Variants in TRAPPC9 observed in about 807,000 individuals in gnomAD.
TRAPPC9 encodes the protein IKK2 binding protein.
Under a neutral mutation model 124.0 loss-of-function variants are expected in TRAPPC9, and 83 were observed. The observed-to-expected ratio is 0.67, with a 90% confidence interval of 0.56 to 0.80. The LOEUF (loss-of-function observed/expected upper bound fraction) is 0.80. TRAPPC9 is among the 30% of genes least tolerant of loss of function. The probability of loss-of-function intolerance (pLI) is 0.00; values close to 1 mark genes in which losing one functional copy is unlikely to be tolerated. For synonymous variants in TRAPPC9, 638 were observed against 617.5 expected, an observed-to-expected ratio of 1.03 and a Z score of -0.49; for missense variants, 1,302 against 1,508.3, an observed-to-expected ratio of 0.86 and a Z score of 2.27.
At chr8:140,040,865 A>G (rs1482465192) in intron 17 of TRAPPC9, 1 of 152,274 alleles carries the variant, frequency 6.6e-6, no homozygotes. Context: ...ATGTCCATGA[A>G]AAGGGGGAAA....
At chr8:139,870,321 TGGGAGA>T in intron 21 of TRAPPC9, among the ~76,000 whole-genome samples, 1 of 152,124 alleles carries the variant, frequency 6.6e-6, no homozygotes, top group Non-Finnish European at 1.5e-5. Context: ...GGAGAAAACA[TGGGAGA>T]ATGTTTTAAA....
chr8:139,789,683 T>C (rs1822519968), intron 21 of TRAPPC9, among the ~76,000 whole-genome samples: 1 of 152,064 alleles, frequency 6.6e-6, no homozygotes, highest in African/African-American at 2.4e-5. Flanking sequence ...TGCTCCCGAG[T>C]GCCCTGTGCT....
intron 21 of TRAPPC9, among the ~76,000 whole-genome samples, chr8:139,738,414 G>A (rs571775440): frequency 3.9e-5 from 6 of 152,334 alleles, no homozygotes; most frequent in African/African-American, 1.4e-4. Flanking sequence ...CTTAGCAGAT[G>A]TGATGAAACG....
intron 21 of TRAPPC9, among the ~76,000 whole-genome samples, chr8:139,794,406 T>C (rs916217457): frequency 4.6e-5 from 7 of 152,144 alleles, no homozygotes; most frequent in African/African-American, 1.7e-4. Flanking sequence ...TCGCTGTCCA[T>C]AGACAGGTGT....
chr8:140,049,693 C>A (rs956629683), intron 17 of TRAPPC9, among the ~76,000 whole-genome samples: 1 of 152,158 alleles, frequency 6.6e-6, no homozygotes, highest in African/African-American at 2.4e-5. Flanking sequence ...AAACACCAAA[C>A]CCTGGGATTT....
chr8:140,237,561 C>A (rs2063755914), intron 16 of TRAPPC9, among the ~76,000 whole-genome samples: 1 of 151,910 alleles, frequency 6.6e-6, no homozygotes, highest in Non-Finnish European at 1.5e-5. Flanking sequence ...CAGGTGATTC[C>A]AGAGTGCAGA....
intron 19 of TRAPPC9, among the ~76,000 whole-genome samples, chr8:139,918,438 C>T (rs1303774550): frequency 6.6e-6 from 1 of 152,260 alleles, no homozygotes; most frequent in Non-Finnish European, 1.5e-5. Context: ...GATCCTATAT[C>T]ACTACCCTCA....
chr8:140,280,317 T>C (rs1395403251), intron 14 of TRAPPC9, among the ~76,000 whole-genome samples: 1 of 152,216 alleles, frequency 6.6e-6, no homozygotes, highest in African/African-American at 2.4e-5. Flanking sequence ...CCAAAATTCA[T>C]CTTTCTAAAC....
In TRAPPC9 at chr8:139,897,843, G is replaced by C. The variant is rs757862108; in HGVS notation, c.2965-11874C>G. On this transcript the variant is annotated intron_variant, in intron 20 of 22. Coordinates refer to ENST00000438773, the MANE Select transcript of TRAPPC9 (RefSeq NM_001160372.4). ...CAGCGTGCCAGAGTGACGGGGTCAG[G>C]AGCTCACCTTCAAAGCAGCACTAAA... Among the ~76,000 whole-genome samples, 68 of 152,224 alleles carry C rather than the reference G, an allele frequency of 4.5e-4. 1 individual carries two copies. The highest frequency in any genetic ancestry group is 5.1e-4 in the Non-Finnish European group (35 of 68,046).
At chr8:140,134,263 T>A (rs59645607) in intron 17 of TRAPPC9, among the ~76,000 whole-genome samples, 1,603 of 144,494 alleles carry the variant, frequency 0.011, 27 homozygotes, top group African/African-American at 0.037. Flanking sequence ...CAATTGATTG[T>A]CTTCTTTTTT....
intron 20 of TRAPPC9, among the ~76,000 whole-genome samples, chr8:139,887,992 C>G (rs577266167): frequency 6.6e-6 from 1 of 152,354 alleles, no homozygotes; most frequent in Admixed American, 6.5e-5. Flanking sequence ...GCAAACCTTC[C>G]TGCACCTGAC....
intron 21 of TRAPPC9, among the ~76,000 whole-genome samples, chr8:139,798,718 C>T (rs1431007862): frequency 1.3e-5 from 2 of 152,170 alleles, no homozygotes; most frequent in Admixed American, 1.3e-4. Flanking sequence ...CCAACACTTC[C>T]CTGAGTTTAT....
intron 16 of TRAPPC9, among the ~76,000 whole-genome samples, chr8:140,231,030 T>A (rs944509234): frequency 2.0e-5 from 3 of 152,132 alleles, no homozygotes; most frequent in Non-Finnish European, 4.4e-5. Context: ...TACTAGACCA[T>A]AGAGTGCTAG....
chr8:140,171,394 A>C (rs1026534665), intron 17 of TRAPPC9, among the ~76,000 whole-genome samples: 6 of 152,230 alleles, frequency 3.9e-5, no homozygotes, highest in African/African-American at 1.4e-4. Context: ...TGAAAATATT[A>C]AAATTTTACT....
At chr8:140,156,998 TCCCTTTTCCATTCAGAAGCCTC>T (rs2130861657) in intron 17 of TRAPPC9, among the ~76,000 whole-genome samples, 1 of 85,496 alleles carries the variant, frequency 1.2e-5, no homozygotes, top group African/African-American at 4.9e-5. Flanking sequence ...TTCAAAAGCC[TCCCTTTTCCATTCAGAAGCCTC>T]CCTTTTCCAT....
In TRAPPC9 at chr8:140,011,501, C is replaced by CTTTTT. The variant is rs916485762; in HGVS notation, c.2699+12431_2699+12435dup. On this transcript the variant is annotated intron_variant, in intron 18 of 22. Transcript: ENST00000438773. ...ACTTAACATGCTTCCAGAAGGCATA[C>CTTTTT]TTTTTTTTTTTTTTTTTTTTTGAGA... Among the ~76,000 whole-genome samples, 7 of 114,632 alleles carry CTTTTT rather than the reference C, an allele frequency of 6.1e-5. 1 individual carries two copies. Among genetic ancestry groups the CTTTTT allele is most frequent in the African/African-American group, 3.0e-4 (7 of 23,320 alleles). The allele number at this position is 114,632 out of a possible 152,430, so 75.2% of individuals were successfully genotyped here.
chr8:139,744,548 C>G (rs572350017), intron 21 of TRAPPC9, among the ~76,000 whole-genome samples: 1 of 152,338 alleles, frequency 6.6e-6, no homozygotes, highest in South Asian at 2.1e-4. Flanking sequence ...CTGCACACTC[C>G]AGCTGGCTAC....
At chr8:140,429,806 A>AAAAAAT (rs370373226) in intron 4 of TRAPPC9, among the ~76,000 whole-genome samples, 4,461 of 151,786 alleles carry the variant, frequency 0.029, 211 homozygotes, top group African/African-American at 0.095. Flanking sequence ...CTCTATCTCA[A>AAAAAAT]AAAAATAAAA....
intron 17 of TRAPPC9, among the ~76,000 whole-genome samples, chr8:140,079,462 C>T (rs528378676): frequency 6.6e-6 from 1 of 152,140 alleles, no homozygotes; most frequent in African/African-American, 2.4e-5. Context: ...CCTCCAGGAC[C>T]AGAGAGGCCA....
Sources: gnomAD v4.1 joint callset for allele counts (sites outside exome capture counted in the v4.1 genomes callset) on GRCh38, gnomAD v4.1.1 for gene constraint, MANE v1.5 for transcripts, NCBI Gene and HGNC (gene_info 2026-07-23, HGNC 2026-07-21) for gene names.